The following PKMYT1 variants were observed in gnomAD, a reference collection of about 807,000 sequenced individuals.
The protein encoded by PKMYT1 is membrane-associated tyrosine- and threonine-specific cdc2-inhibitory kinase.
In PKMYT1, 35 loss-of-function variants were observed where a neutral mutation model predicts 49.7. The observed-to-expected ratio is 0.70, with a 90% CI of 0.54 to 0.93. The LOEUF is 0.93. PKMYT1 is among the 40% of genes least tolerant of loss of function. The probability of loss-of-function intolerance (pLI) is 0.00; values close to 1 mark genes in which losing one functional copy is unlikely to be tolerated. For missense variants in PKMYT1, 677 were observed against 673.1 expected (o/e 1.01, Z -0.06); for synonymous variants, 331 against 287.6 (o/e 1.15, Z -1.53).
intron 3 of PKMYT1, 188 bp from the exon 4 acceptor site, chr16:2,976,000 G>C (rs2072181418): frequency 1.5e-6 from 1 of 654,402 alleles, no homozygotes; most frequent in African/African-American, 1.8e-5. Context: ...CTCGGGCTGG[G>C]TCTGTGGAGA....
At chr16:2,978,988 G>A (rs528984277) in intron 2 of PKMYT1, among the ~76,000 whole-genome samples, 3 of 149,380 alleles carry the variant, frequency 2.0e-5, no homozygotes, top group Admixed American at 6.7e-5. Context: ...TATATTTTTA[G>A]TAGAGATGTG....
intron 2 of PKMYT1, chr16:2,977,614 G>T: frequency 2.2e-6 from 1 of 454,666 alleles, no homozygotes; most frequent in Non-Finnish European, 2.9e-6. Flanking sequence ...CTCTGGGCAT[G>T]GTGCCCAGGG....
intron 2 of PKMYT1, 178 bp downstream of exon 2, chr16:2,979,470 T>C (rs1389479870): frequency 1.6e-6 from 1 of 622,910 alleles, no homozygotes; most frequent in African/African-American, 1.8e-5. Flanking sequence ...ACTCTTCCTC[T>C]GACTCTAACT....
chr16:2,976,078 TG>T, intron 3 of PKMYT1: 1 of 442,728 alleles, frequency 2.3e-6, no homozygotes, highest in South Asian at 5.1e-5. Flanking sequence ...TGTCACGAGG[TG>T]GAAAAAGCAG....
intron 2 of PKMYT1, among the ~76,000 whole-genome samples, chr16:2,979,003 C>T (rs980962958): frequency 3.4e-5 from 5 of 147,494 alleles, no homozygotes; most frequent in African/African-American, 1.2e-4. Context: ...GATGTGGTTT[C>T]ACCATGTTGG....
chr16:2,975,301 G>A lies in PKMYT1; in HGVS notation c.872+18C>T, dbSNP rs755175435. On this transcript the variant is annotated intron_variant, in intron 4 of 8. Transcript: ENST00000262300. Reference sequence around the variant, plus strand: ...CCTCCCACAGCCTGCCAAACACCTGGCGTGCCCCGGTCCCCACCTGAACAC... The same window carrying A: ...CCTCCCACAGCCTGCCAAACACCTGACGTGCCCCGGTCCCCACCTGAACAC... 2.5e-6 allele frequency: 4 copies of A among 1,590,368 alleles called. No homozygotes were observed. The South Asian group carries it at 4.5e-5, about 18-fold the overall frequency.
chr16:2,979,100 C>T (rs1202250016), intron 2 of PKMYT1, among the ~76,000 whole-genome samples: 1 of 151,890 alleles, frequency 6.6e-6, no homozygotes, highest in Non-Finnish European at 1.5e-5. Flanking sequence ...CTTCGGGAGG[C>T]AAGGTGGGTG....
Position 2,976,919 on chromosome 16 carries a change from G to A in PKMYT1, c.123C>T (p.Leu41=), listed in dbSNP as rs4149787. The change falls in exon 3 of 9, where the codon CTC becomes CTT. Residue 41 remains leucine, a synonymous_variant. Coordinates refer to ENST00000262300, the MANE Select transcript of PKMYT1 (RefSeq NM_004203.5). The stretch of plus-strand genomic sequence containing the variant: ...TCCGGCTGAGCCCCCTGGGCCTCTT[G>A]AGGGAGAATCCAGGTTCTGCGTGGC... The part of the protein sequence containing the change: ...YFRHAEPGFS[L]KRPRGLSRSL... 928 of 1,547,084 alleles carry A rather than the reference G, an allele frequency of 6.0e-4. 18 individuals carry two copies. In the East Asian group the frequency reaches 0.021, roughly 35 times the overall value.
intron 3 of PKMYT1, among the ~76,000 whole-genome samples, chr16:2,976,401 G>A (rs376606738): frequency 4.3e-4 from 65 of 152,314 alleles, no homozygotes; most frequent in African/African-American, 1.3e-3. Flanking sequence ...CGCCAGGGCC[G>A]GAGGAGATGG....
chr16:2,974,486 C>CA, intron 5 of PKMYT1, 64 bp downstream of exon 5: 1 of 1,538,856 alleles, frequency 6.5e-7, no homozygotes, highest in Non-Finnish European at 8.8e-7. Context: ...GCAGTGCCTC[C>CA]ATGGCCAGCC....
intron 5 of PKMYT1, 66 bp downstream of exon 5, chr16:2,974,484 T>C: frequency 6.5e-7 from 1 of 1,543,104 alleles, no homozygotes; most frequent in Non-Finnish European, 8.8e-7. Flanking sequence ...CAGCAGTGCC[T>C]CCATGGCCAG....
intron 2 of PKMYT1, 189 bp from the exon 3 acceptor site, chr16:2,977,220 A>G: frequency 7.1e-7 from 1 of 1,411,136 alleles, no homozygotes; most frequent in South Asian, 1.6e-5. Flanking sequence ...TCACCTGCCC[A>G]CCAGGCTGTT....
intron 2 of PKMYT1, among the ~76,000 whole-genome samples, chr16:2,979,191 C>T (rs373850629): frequency 7.2e-5 from 11 of 151,786 alleles, no homozygotes; most frequent in African/African-American, 2.2e-4. Context: ...AAATTTTTGC[C>T]GGGCGTGCTG....
In PKMYT1 at chr16:2,974,246, T is replaced by G; in HGVS notation, c.1151A>C (p.Gln384Pro). The G allele has an allele frequency of 6.4e-7, 1 of 1,564,454 alleles. No homozygotes were observed. The highest frequency in any genetic ancestry group is 8.7e-7 in the Non-Finnish European group (1 of 1,155,396). ...EALSRGWALW[Q>P]ALLALLCWLW... is the part of the protein sequence containing the mutation. ...CAGCCGCCACTGTCGGGAGCTTACC[T>G]GCCACAGGGCCCACCCTCGGCTCAG... Residue 384 changes from glutamine to proline, a missense_variant and splice_region_variant, in exon 6 of 9, where the codon CAG becomes CCG. Coordinates refer to ENST00000262300, the MANE Select transcript of PKMYT1 (RefSeq NM_004203.5).
Position 2,975,569 on chromosome 16 carries a change from C to T in PKMYT1, c.622G>A (p.Ala208Thr), listed in dbSNP as rs1184558119. The change falls in exon 4 of 9, where the codon GCC (alanine) becomes ACC (threonine). Residue 208 changes from alanine to threonine, a missense_variant. Transcript: ENST00000262300. The part of the protein sequence containing the change: ...CEAWGASLPE[A>T]QVWGYLRDTL... ...TCCCGCAGGTAGCCCCAGACCTGGGCCTCAGGCAGGCTGGCACCCCAGGCC... is the reference window on the plus strand; with the variant it reads ...TCCCGCAGGTAGCCCCAGACCTGGGTCTCAGGCAGGCTGGCACCCCAGGCC... 3.1e-6 allele frequency: 5 copies of T among 1,611,674 alleles called. No homozygotes were observed. The African/African-American group carries it at 5.3e-5, about 17-fold the overall frequency.
rs373163800 is a variant in PKMYT1 at position 2,975,590 on chromosome 16, A to G, written c.601T>C (p.Trp201Arg). 3 of 1,611,468 alleles carry G rather than the reference A, an allele frequency of 1.9e-6. No homozygotes were observed. Among genetic ancestry groups the G allele is most frequent in the Non-Finnish European group, 2.5e-6 (3 of 1,179,728 alleles). The change falls in exon 4 of 9, where the codon TGG (tryptophan) becomes CGG (arginine). Residue 201 changes from tryptophan to arginine, a missense_variant. Transcript: ENST00000262300. ...GPSLQQHCEA[W>R]GASLPEAQVW... is the part of the protein sequence containing the mutation. Reference sequence around the variant, plus strand: ...TGGGCCTCAGGCAGGCTGGCACCCCAGGCCTCACAGTGTTGCTGCAGGCTG... The same window carrying G: ...TGGGCCTCAGGCAGGCTGGCACCCCGGGCCTCACAGTGTTGCTGCAGGCTG...
intron 1 of PKMYT1, 81 bp from the exon 2 acceptor site, chr16:2,979,993 G>A: frequency 2.6e-6 from 1 of 385,162 alleles, no homozygotes; most frequent in South Asian, 3.0e-5. Context: ...CGGGGCAGGG[G>A]CTGTCACGGA....
At position 2,972,849 on chromosome 16, in the gene PKMYT1, C is replaced by A; in HGVS notation, c.*104G>T. 1.3e-6 allele frequency: 2 copies of A among 1,533,182 alleles called. No individual in the cohort carries two copies. Among genetic ancestry groups the A allele is most frequent in the Admixed American group, 2.0e-5 (1 of 49,924 alleles). 95.0% of individuals were successfully genotyped at this position (1,533,182 alleles called of 1,614,324 possible). On this transcript the variant is annotated 3_prime_UTR_variant, in exon 9 of 9. Coordinates refer to ENST00000262300, the MANE Select transcript of PKMYT1 (RefSeq NM_004203.5). ...TTCAAATACTTTTTATTAGACACGG[C>A]CAGGCAGAGAAGACCATGGGAGTTC...
At chr16:2,978,278 G>T (rs2072252427) in intron 2 of PKMYT1, among the ~76,000 whole-genome samples, 1 of 152,206 alleles carries the variant, frequency 6.6e-6, no homozygotes, top group Admixed American at 6.5e-5. Context: ...ATCAGTGGAA[G>T]TTTTGGTGGT....
Sources: gnomAD v4.1 joint callset for allele counts (sites outside exome capture counted in the v4.1 genomes callset) on GRCh38, gnomAD v4.1.1 for gene constraint, MANE v1.5 for transcripts, NCBI Gene and HGNC (gene_info 2026-07-23, HGNC 2026-07-21) for gene names.